The following MEGF11 variants were observed in gnomAD, a reference collection of about 807,000 sequenced individuals.
MEGF11 encodes the protein multiple EGF like domains 11, also known as multiple epidermal growth factor-like domains protein 11.
MEGF11 carries 126 observed loss-of-function variants against 146.6 expected under a neutral mutation model. The observed-to-expected ratio is 0.86, with a 90% CI of 0.74 to 1.00. The LOEUF (loss-of-function observed/expected upper bound fraction) is 1.00, where lower values mean the gene tolerates loss of function less well. MEGF11 is among the 50% of genes least tolerant of loss of function. The pLI is 0.00. For synonymous variants in MEGF11, 532 were observed against 583.4 expected, an observed-to-expected ratio of 0.91 and a Z score of 1.27; for missense variants, 1,509 against 1,521.2, an observed-to-expected ratio of 0.99 and a Z score of 0.13.
intron 1 of MEGF11, among the ~76,000 whole-genome samples, chr15:66,201,583 C>T (rs1162505401): frequency 6.6e-6 from 1 of 151,872 alleles, no homozygotes; most frequent in African/African-American, 2.4e-5. Flanking sequence ...GAACCACTGC[C>T]GCTCTGCAAT....
intron 1 of MEGF11, among the ~76,000 whole-genome samples, chr15:66,238,163 GC>G (rs1430231432): frequency 6.6e-6 from 1 of 152,172 alleles, no homozygotes; most frequent in Non-Finnish European, 1.5e-5. Flanking sequence ...TGTGAATAGG[GC>G]CAGCCCTGCA....
chr15:66,239,099 G>C (rs893744788), intron 1 of MEGF11, among the ~76,000 whole-genome samples: 2 of 152,196 alleles, frequency 1.3e-5, no homozygotes, highest in African/African-American at 4.8e-5. Flanking sequence ...TTCGAACCCA[G>C]GCACTCTGGT....
intron 5 of MEGF11, among the ~76,000 whole-genome samples, chr15:66,034,847 C>T (rs1466289438): frequency 2.0e-5 from 3 of 151,538 alleles, no homozygotes; most frequent in African/African-American, 7.4e-5. Flanking sequence ...GCTCTGCCCT[C>T]ATGCATGAAT....
At chr15:65,995,230 C>G (rs2082165792) in intron 5 of MEGF11, among the ~76,000 whole-genome samples, 2 of 152,202 alleles carry the variant, frequency 1.3e-5, no homozygotes, top group Non-Finnish European at 2.9e-5. Context: ...CCTGGGTAGG[C>G]TGCAGAGGGC....
At chr15:65,923,709 C>T (rs2079259102) in intron 13 of MEGF11, among the ~76,000 whole-genome samples, 1 of 152,178 alleles carries the variant, frequency 6.6e-6, no homozygotes, top group Non-Finnish European at 1.5e-5. Flanking sequence ...TAATGACCCT[C>T]AGTTTGACAG....
chr15:66,006,403 A>T (rs1336417427), intron 5 of MEGF11, among the ~76,000 whole-genome samples: 1 of 152,230 alleles, frequency 6.6e-6, no homozygotes, highest in Non-Finnish European at 1.5e-5. Context: ...GAGAAGCCAA[A>T]CCATTCCATT....
chr15:65,921,798 C>G (rs2079179223), intron 15 of MEGF11: 1 of 154,746 alleles, frequency 6.5e-6, no homozygotes, highest in African/African-American at 2.4e-5. Flanking sequence ...CTTTATATCT[C>G]TTTTCAACTC....
rs57977250 is a variant in MEGF11, at chr15:65,950,584, G to GACACACACACAC, written c.1287+6951_1287+6962dup. 2.4e-4 allele frequency among the ~76,000 whole-genome samples: 36 copies of GACACACACACAC among 148,936 alleles called. 1 individual carries two copies. The highest frequency in any genetic ancestry group is 7.7e-4 in the African/African-American group (31 of 40,292). On this transcript the variant is annotated intron_variant, in intron 10 of 25. Transcript: ENST00000395614. ...CAATAGAGTGAGGCTTAGACACACA[G>GACACACACACAC]ACACACACACACACACACACACACA...
chr15:66,128,960 C>T (rs2088522797), intron 1 of MEGF11, among the ~76,000 whole-genome samples: 1 of 152,190 alleles, frequency 6.6e-6, no homozygotes. Flanking sequence ...CTGGATCTTG[C>T]TTCTTCTGTC....
At chr15:65,989,818 C>T (rs944244179) in intron 5 of MEGF11, among the ~76,000 whole-genome samples, 3 of 152,104 alleles carry the variant, frequency 2.0e-5, no homozygotes, top group East Asian at 3.8e-4. Flanking sequence ...AGTAGGTCAC[C>T]CTCCCCAAGA....
Position 65,929,816 on chromosome 15 carries a change from G to A in MEGF11, c.1476C>T (p.Ser492=), listed in dbSNP as rs528843698. ...SGTWGLNCNE[S]CTCANGAACS... ...AGGCTGCCCCATTGGCACAGGTGCA[G>A]CTCTCGTTGCAGTTCAGGCCCCACG... is the stretch of plus-strand genomic sequence containing the variant. The change falls in exon 12 of 26, where the codon AGC becomes AGT. Residue 492 remains serine, a synonymous_variant. Transcript: ENST00000395614. 4 of 1,583,308 alleles carry A rather than the reference G, an allele frequency of 2.5e-6. No homozygotes were observed. Among genetic ancestry groups the A allele is most frequent in the Middle Eastern group, 1.7e-4 (1 of 6,030 alleles).
chr15:66,111,603 C>A (rs192737687), intron 4 of MEGF11, among the ~76,000 whole-genome samples: 1 of 152,312 alleles, frequency 6.6e-6, no homozygotes, highest in Admixed American at 6.5e-5. Context: ...GGACTTCATA[C>A]CCACTCAAGG....
At chr15:65,951,791 G>A (rs536124801) in intron 10 of MEGF11, among the ~76,000 whole-genome samples, 1 of 152,106 alleles carries the variant, frequency 6.6e-6, no homozygotes, top group African/African-American at 2.4e-5. Flanking sequence ...TTGGGGCCAG[G>A]AGTTCCAGAC....
intron 1 of MEGF11, among the ~76,000 whole-genome samples, chr15:66,175,172 AT>A (rs1231599687): frequency 3.9e-5 from 6 of 152,160 alleles, no homozygotes; most frequent in African/African-American, 9.7e-5. Flanking sequence ...CTGTTTTCCA[AT>A]TTGGATGCCT....
intron 5 of MEGF11, among the ~76,000 whole-genome samples, chr15:66,090,043 A>G (rs796992694): frequency 6.6e-5 from 10 of 152,340 alleles, no homozygotes; most frequent in African/African-American, 2.2e-4. Context: ...TCAGCCCACC[A>G]GGCAAATCAG....
At chr15:66,184,084 G>A (rs1567275619) in intron 1 of MEGF11, among the ~76,000 whole-genome samples, 1 of 152,058 alleles carries the variant, frequency 6.6e-6, no homozygotes, top group Non-Finnish European at 1.5e-5. Flanking sequence ...CAGGCTGGGG[G>A]ACAGATGAAT....
intron 1 of MEGF11, among the ~76,000 whole-genome samples, chr15:66,157,483 G>A (rs139221262): frequency 1.3e-5 from 2 of 152,316 alleles, no homozygotes; most frequent in East Asian, 3.9e-4. Context: ...AATCAAATCT[G>A]GGGGTGGAGA....
intron 4 of MEGF11, among the ~76,000 whole-genome samples, chr15:66,102,489 C>A (rs1348958100): frequency 1.3e-5 from 2 of 149,764 alleles, no homozygotes; most frequent in African/African-American, 2.5e-5. Context: ...GCTGGAGCAG[C>A]CATCACAGCT....
chr15:66,086,130 T>G (rs2086099225), intron 5 of MEGF11, among the ~76,000 whole-genome samples: 1 of 151,626 alleles, frequency 6.6e-6, no homozygotes, highest in Non-Finnish European at 1.5e-5. Context: ...AAAAAGAAAA[T>G]ATGAACAAAG....
Sources: allele counts gnomAD v4.1 joint callset (sites outside exome capture counted in the v4.1 genomes callset), GRCh38; gene constraint gnomAD v4.1.1; transcripts MANE v1.5; gene names NCBI Gene and HGNC (gene_info 2026-07-23, HGNC 2026-07-21).